SPEF2: variants seen among roughly 807,000 people sequenced by gnomAD.
SPEF2 encodes the protein sperm flagella and cilia-associated protein 2.
Under a neutral mutation model 224.6 loss-of-function variants are expected in SPEF2, and 187 were observed. The ratio of observed to expected loss-of-function variants is 0.83; its 90% confidence interval spans 0.74 to 0.94. The LOEUF (loss-of-function observed/expected upper bound fraction) is 0.94. SPEF2 is among the 40% of genes least tolerant of loss of function. The pLI, the probability that SPEF2 is intolerant of heterozygous loss-of-function variation, is 0.00. For synonymous variants in SPEF2, 715 were observed against 707.3 expected, an observed-to-expected ratio of 1.01 and a Z score of -0.17; for missense variants, 2,170 against 2,135.6, an observed-to-expected ratio of 1.02 and a Z score of -0.32.
At chr5:35,713,220 T>C (rs13173900) in intron 20 of SPEF2, among the ~76,000 whole-genome samples, 114,061 of 151,810 alleles carry the variant, frequency 0.75, 43,205 homozygotes, top group Middle Eastern at 0.83. Flanking sequence ...GACCCCTTAT[T>C]GGATTTCCTT....
At chr5:35,736,444 TA>T (rs1746600596) in intron 21 of SPEF2, among the ~76,000 whole-genome samples, 1 of 151,424 alleles carries the variant, frequency 6.6e-6, no homozygotes, top group South Asian at 2.1e-4. Context: ...AGGCACATAT[TA>T]ACTACATGGA....
In SPEF2 at chr5:35,641,427, C is replaced by G. The variant is rs1390558378; in HGVS notation, c.162-4C>G. 2 of 1,610,068 alleles carry G rather than the reference C, an allele frequency of 1.2e-6. No homozygotes were observed. The highest frequency in any genetic ancestry group is 1.7e-6 in the Non-Finnish European group (2 of 1,178,304). The stretch of plus-strand genomic sequence containing the variant: ...CTAATTATGTAAAATATTTTACTGT[C>G]CAGGGTTTCAAGTGCCAAACTTAAT... On this transcript the variant is annotated splice_region_variant and splice_polypyrimidine_tract_variant and intron_variant, in intron 2 of 36. Coordinates refer to ENST00000356031, the MANE Select transcript of SPEF2 (RefSeq NM_024867.4).
intron 21 of SPEF2, among the ~76,000 whole-genome samples, chr5:35,730,023 G>C (rs1745374257): frequency 1.3e-5 from 2 of 152,144 alleles, no homozygotes; most frequent in South Asian, 4.1e-4. Flanking sequence ...ACCTGCCAAG[G>C]AAGGGGAAGA....
At chr5:35,654,783 C>G in intron 7 of SPEF2, 57 bp downstream of exon 7, 1 of 1,441,668 alleles carries the variant, frequency 6.9e-7, no homozygotes, top group Non-Finnish European at 9.4e-7. Flanking sequence ...AAAATGTAGT[C>G]TTCTATACAC....
At chr5:35,759,064 C>G (rs1750861619) in intron 24 of SPEF2, among the ~76,000 whole-genome samples, 1 of 149,254 alleles carries the variant, frequency 6.7e-6, no homozygotes, top group Non-Finnish European at 1.5e-5. Context: ...TTTATGTTGC[C>G]CTTTGTTGTT....
chr5:35,659,236 C>A, intron 8 of SPEF2, 29 bp downstream of exon 8: 1 of 1,539,412 alleles, frequency 6.5e-7, no homozygotes, highest in South Asian at 1.2e-5. Context: ...AGAAATCTTT[C>A]TAAGGTTACT....
chr5:35,729,500 G>C (rs2149661796), intron 21 of SPEF2, among the ~76,000 whole-genome samples: 1 of 152,208 alleles, frequency 6.6e-6, no homozygotes, highest in South Asian at 2.1e-4. Context: ...CACTAAGCAA[G>C]ATGAAGGAAA....
chr5:35,640,037 G>T (rs1321106734), intron 2 of SPEF2, among the ~76,000 whole-genome samples: 1 of 152,022 alleles, frequency 6.6e-6, no homozygotes, highest in Admixed American at 6.6e-5. Flanking sequence ...GTGTACTTTG[G>T]CCAGTTCATA....
intron 2 of SPEF2, among the ~76,000 whole-genome samples, chr5:35,632,131 T>C (rs895508644): frequency 2.0e-5 from 3 of 152,190 alleles, no homozygotes; most frequent in Non-Finnish European, 4.4e-5. Context: ...CACTTCCACA[T>C]TTTCGGGTAT....
chr5:35,802,074 C>G (rs1323602602), intron 34 of SPEF2, among the ~76,000 whole-genome samples: 1 of 152,054 alleles, frequency 6.6e-6, no homozygotes, highest in Non-Finnish European at 1.5e-5. Flanking sequence ...ATGCCCCAAA[C>G]AGGGGGGAGC....
rs1741405105 is a variant in SPEF2 at position 35,712,680 on chromosome 5, C to G, written c.2840-132C>G. The G allele has an allele frequency of 2.0e-5, 16 of 809,190 alleles. No homozygotes were observed. In the South Asian group the frequency reaches 2.9e-4, roughly 15 times the overall value. 50.1% of individuals were successfully genotyped at this position (809,190 alleles called of 1,614,324 possible). A position where few individuals can be genotyped will look rare whatever the true frequency, so the allele number is the denominator to read the frequency against. ...GGATAATTTTAACTCAAAGTAAAAA[C>G]CTGAGCCATTTTATGCAGTTCACAA... On this transcript the variant is annotated intron_variant, in intron 19 of 36. Coordinates refer to ENST00000356031, the MANE Select transcript of SPEF2 (RefSeq NM_024867.4).
chr5:35,796,276 C>T (rs1037595342), intron 33 of SPEF2, among the ~76,000 whole-genome samples: 2 of 152,010 alleles, frequency 1.3e-5, no homozygotes, highest in African/African-American at 4.8e-5. Flanking sequence ...TCTTATGAGC[C>T]TCTATTTCTG....
At chr5:35,763,437 T>C in intron 25 of SPEF2, 85 bp from the exon 26 acceptor site, 2 of 1,279,658 alleles carry the variant, frequency 1.6e-6, no homozygotes, top group Non-Finnish European at 2.1e-6. Context: ...ACCAAGACAG[T>C]AAAATTTACA....
At chr5:35,716,932 T>C (rs943666297) in intron 20 of SPEF2, among the ~76,000 whole-genome samples, 1 of 152,154 alleles carries the variant, frequency 6.6e-6, no homozygotes, top group Non-Finnish European at 1.5e-5. Flanking sequence ...TAGATCAATC[T>C]CTACCCTTCT....
At chr5:35,657,328 C>T (rs772328187) in intron 7 of SPEF2, among the ~76,000 whole-genome samples, 10 of 151,974 alleles carry the variant, frequency 6.6e-5, no homozygotes, top group Non-Finnish European at 1.3e-4. Context: ...TTGATAAATA[C>T]GTGGAATTAT....
intron 29 of SPEF2, 129 bp downstream of exon 29, chr5:35,776,524 C>T (rs933479606): frequency 6.9e-6 from 6 of 875,718 alleles, no homozygotes; most frequent in Admixed American, 5.3e-5. Flanking sequence ...TAGGAAATCA[C>T]GTGTATAAAC....
chr5:35,733,630 G>A (rs1299909966), intron 21 of SPEF2, among the ~76,000 whole-genome samples: 1 of 152,170 alleles, frequency 6.6e-6, no homozygotes, highest in Non-Finnish European at 1.5e-5. Flanking sequence ...TTCACAGGAA[G>A]GCAGGTGCCA....
intron 3 of SPEF2, 61 bp downstream of exon 3, chr5:35,641,744 A>C (rs1746654445): frequency 1.6e-5 from 24 of 1,536,568 alleles, no homozygotes; most frequent in Middle Eastern, 4.6e-4. Context: ...AAGAGAAATG[A>C]CAATGATATT....
rs757577024 is a variant in SPEF2 at position 35,667,256 on chromosome 5, ATAAG to A, written c.1355+4_1355+7del. Reference sequence around the variant, plus strand: ...GTGGCAGACTATCGAATGTTGACAAATAAGTAAGTATTTTTTTTGTAATAACAGT... The same window carrying A: ...GTGGCAGACTATCGAATGTTGACAAATAAGTATTTTTTTTGTAATAACAGT... On this transcript the variant is annotated splice_donor_variant and coding_sequence_variant, in exon 9 of 37. Transcript: ENST00000356031. LOFTEE classifies it high-confidence loss of function. 37 of 1,593,350 alleles carry A rather than the reference ATAAG, an allele frequency of 2.3e-5. No homozygotes were observed. The highest frequency in any genetic ancestry group is 6.9e-5 in the South Asian group (6 of 87,498).
Sources: allele counts gnomAD v4.1 joint callset (sites outside exome capture counted in the v4.1 genomes callset), GRCh38; gene constraint gnomAD v4.1.1; transcripts MANE v1.5; gene names NCBI Gene and HGNC (gene_info 2026-07-23, HGNC 2026-07-21).